Variants in BCL2 observed in about 807,000 individuals in gnomAD.
BCL2 encodes the protein BCL2 apoptosis regulator.
BCL2 carries 1 observed loss-of-function variant against 14.2 expected under a neutral mutation model. That is an observed-to-expected ratio of 0.07 (90% CI 0.02 to 0.33). BCL2 has a LOEUF of 0.33. Ranked by LOEUF, BCL2 falls within the 10% of genes least tolerant of loss-of-function variation. The pLI is 0.99. For synonymous variants in BCL2, 151 were observed against 137.2 expected (o/e 1.10, Z -0.70); for missense variants, 247 against 305.9 (o/e 0.81, Z 1.44).
At chr18:63,277,679 G>T (rs1169191300) in intron 2 of BCL2, among the ~76,000 whole-genome samples, 3 of 151,416 alleles carry the variant, frequency 2.0e-5, no homozygotes, top group Non-Finnish European at 4.4e-5. Context: ...GCTTCCCCAG[G>T]AACCAGGAAA....
At chr18:63,263,980 G>A (rs1459715708) in intron 2 of BCL2, among the ~76,000 whole-genome samples, 1 of 152,168 alleles carries the variant, frequency 6.6e-6, no homozygotes, top group African/African-American at 2.4e-5. Context: ...ATGTTGGCCA[G>A]GCTGGTCACG....
chr18:63,249,311 T>G (rs937661847), intron 2 of BCL2, among the ~76,000 whole-genome samples: 1 of 140,546 alleles, frequency 7.1e-6, no homozygotes, highest in Non-Finnish European at 1.5e-5. Context: ...TCCTGTCCAT[T>G]TAACACCCTA....
intron 2 of BCL2, among the ~76,000 whole-genome samples, chr18:63,221,529 CA>C (rs1282696123): frequency 4.6e-5 from 7 of 152,198 alleles, no homozygotes; most frequent in Admixed American, 2.0e-4. Flanking sequence ...GCTGACTACA[CA>C]GTGCTCAAGG....
At chr18:63,236,892 A>G (rs1910851547) in intron 2 of BCL2, among the ~76,000 whole-genome samples, 2 of 152,156 alleles carry the variant, frequency 1.3e-5, no homozygotes, top group Admixed American at 1.3e-4. Flanking sequence ...TGAGGAGTAG[A>G]CTACCATCTC....
At chr18:63,252,007 G>A (rs868540476) in intron 2 of BCL2, among the ~76,000 whole-genome samples, 1 of 152,056 alleles carries the variant, frequency 6.6e-6, no homozygotes, top group Non-Finnish European at 1.5e-5. Flanking sequence ...CCCAAAGAAG[G>A]TATTTTATAT....
At chr18:63,292,934 G>C (rs955220600) in intron 2 of BCL2, among the ~76,000 whole-genome samples, 1 of 152,260 alleles carries the variant, frequency 6.6e-6, no homozygotes, top group African/African-American at 2.4e-5. Context: ...CAGGTGATGA[G>C]TAATAATAGC....
intron 2 of BCL2, among the ~76,000 whole-genome samples, chr18:63,267,414 G>A (rs1911863838): frequency 6.6e-6 from 1 of 152,302 alleles, no homozygotes; most frequent in Admixed American, 6.5e-5. Flanking sequence ...AGACACAAAG[G>A]AGGTGCAGTC....
chr18:63,222,084 T>C (rs1223889380), intron 2 of BCL2, among the ~76,000 whole-genome samples: 1 of 151,906 alleles, frequency 6.6e-6, no homozygotes, highest in African/African-American at 2.4e-5. Flanking sequence ...AGTTCAAAAC[T>C]AGCCTGGCCA....
At chr18:63,284,922 A>G (rs1205597148) in intron 2 of BCL2, among the ~76,000 whole-genome samples, 1 of 152,116 alleles carries the variant, frequency 6.6e-6, no homozygotes, top group Non-Finnish European at 1.5e-5. Context: ...GCTGGCTCCC[A>G]CCATGCTCCA....
chr18:63,183,048 C>T (rs1460345264), intron 2 of BCL2, among the ~76,000 whole-genome samples: 1 of 152,208 alleles, frequency 6.6e-6, no homozygotes, highest in African/African-American at 2.4e-5. Context: ...TGTCAATGCA[C>T]AAATGAGCAG....
intron 2 of BCL2, among the ~76,000 whole-genome samples, chr18:63,200,813 G>T (rs1409910133): frequency 6.6e-6 from 1 of 151,950 alleles, no homozygotes; most frequent in Non-Finnish European, 1.5e-5. Flanking sequence ...TATAGAGATG[G>T]GGTCTCGCTA....
chr18:63,314,231 T>C (rs1913424463), intron 2 of BCL2: 1 of 152,216 alleles, frequency 6.6e-6, no homozygotes, highest in Non-Finnish European at 1.5e-5. Context: ...CAAGCTATTT[T>C]TAATCCTATC....
At chr18:63,278,781 C>G (rs1297692313) in intron 2 of BCL2, among the ~76,000 whole-genome samples, 1 of 152,096 alleles carries the variant, frequency 6.6e-6, no homozygotes, top group African/African-American at 2.4e-5. Context: ...TTTTCCTTAA[C>G]AATACCAAGA....
intron 2 of BCL2, among the ~76,000 whole-genome samples, chr18:63,180,951 G>A (rs562198476): frequency 3.3e-5 from 5 of 152,284 alleles, no homozygotes; most frequent in Admixed American, 6.5e-5. Context: ...GTGTACAGAC[G>A]CTTTGATTCA....
At chr18:63,209,721 A>C (rs535715443) in intron 2 of BCL2, among the ~76,000 whole-genome samples, 75 of 152,156 alleles carry the variant, frequency 4.9e-4, no homozygotes, top group African/African-American at 1.7e-3. Flanking sequence ...AGTAGGTGAG[A>C]TCTCCGAGAC....
In BCL2 at chr18:63,127,521, C is replaced by T. The variant is rs573504228; in HGVS notation, c.*1104G>A. The T allele has an allele frequency of 8.6e-6, 2 of 231,864 alleles. No homozygotes were observed. Among genetic ancestry groups the T allele is most frequent in the Admixed American group, 1.1e-4 (2 of 17,716 alleles). 14.4% of individuals were successfully genotyped at this position (231,864 alleles called of 1,614,324 possible). ...ACTGCTCTTTCTTGACAGTGGAATT[C>T]TGAGCTCCATCAGCTTCCAGACATT... is the stretch of plus-strand genomic sequence containing the variant. On this transcript the variant is annotated 3_prime_UTR_variant, in exon 3 of 3. Coordinates refer to ENST00000333681, the MANE Select transcript of BCL2 (RefSeq NM_000633.3).
intron 2 of BCL2, among the ~76,000 whole-genome samples, chr18:63,281,696 GAAA>G (rs771290663): frequency 7.4e-6 from 1 of 134,870 alleles, no homozygotes; most frequent in Non-Finnish European, 1.6e-5. Context: ...AAGAAAGAAA[GAAA>G]GAAAGAAAGA....
chr18:63,206,590 C>T (rs968276297), intron 2 of BCL2, among the ~76,000 whole-genome samples: 3 of 152,236 alleles, frequency 2.0e-5, no homozygotes, highest in African/African-American at 7.2e-5. Flanking sequence ...CTGAGACTGA[C>T]CATCCAGAAT....
intron 2 of BCL2, among the ~76,000 whole-genome samples, chr18:63,232,205 G>A (rs1163851454): frequency 1.3e-5 from 2 of 151,786 alleles, no homozygotes; most frequent in African/African-American, 4.8e-5. Flanking sequence ...AGGAAAAAAT[G>A]TTTTTTAGAC....
Sources: gnomAD v4.1 joint callset for allele counts (sites outside exome capture counted in the v4.1 genomes callset) on GRCh38, gnomAD v4.1.1 for gene constraint, MANE v1.5 for transcripts, NCBI Gene and HGNC (gene_info 2026-07-23, HGNC 2026-07-21) for gene names.